EYS: variants seen among roughly 807,000 people sequenced by gnomAD.
EYS encodes EGF-like photoreceptor maintenance factor.
EYS carries 250 observed loss-of-function variants against 282.1 expected under a neutral mutation model. That is an observed-to-expected ratio of 0.89 (90% CI 0.80 to 0.98). EYS has a LOEUF of 0.98. EYS is among the 50% of genes least tolerant of loss of function. The pLI is 0.00. For synonymous variants in EYS, 1,355 were observed against 1,282.9 expected (o/e 1.06, Z -1.20); for missense variants, 4,016 against 3,709.0 (o/e 1.08, Z -2.15).
intron 12 of EYS, among the ~76,000 whole-genome samples, chr6:65,109,720 A>G (rs1218344844): frequency 6.6e-6 from 1 of 151,548 alleles, no homozygotes; most frequent in East Asian, 1.9e-4. Flanking sequence ...CACTGCTTGT[A>G]CTGTCCTTAG....
intron 29 of EYS, among the ~76,000 whole-genome samples, chr6:64,368,328 A>G (rs1442427067): frequency 2.0e-5 from 3 of 152,110 alleles, no homozygotes; most frequent in Non-Finnish European, 4.4e-5. Context: ...TTTTTAATCC[A>G]GTCTACCATT....
chr6:65,426,879 TAC>T (rs1767684455), intron 5 of EYS, among the ~76,000 whole-genome samples: 1 of 152,154 alleles, frequency 6.6e-6, no homozygotes, highest in African/African-American at 2.4e-5. Flanking sequence ...ATCTTTTGTT[TAC>T]ATACATGGAA....
intron 41 of EYS, among the ~76,000 whole-genome samples, chr6:63,746,444 T>C (rs1424912824): frequency 6.6e-6 from 1 of 152,222 alleles, no homozygotes; most frequent in Non-Finnish European, 1.5e-5. Flanking sequence ...CCTCATAAAA[T>C]GAGTTACAAA....
intron 13 of EYS, among the ~76,000 whole-genome samples, chr6:65,054,603 A>G (rs1773361131): frequency 6.6e-6 from 1 of 152,078 alleles, no homozygotes; most frequent in African/African-American, 2.4e-5. Context: ...GTATAAGAAT[A>G]TAAACTGAAT....
chr6:64,840,597 T>G (rs1014143372), intron 19 of EYS, among the ~76,000 whole-genome samples: 12 of 152,100 alleles, frequency 7.9e-5, no homozygotes, highest in African/African-American at 1.2e-4. Flanking sequence ...ATTCATTTGT[T>G]GTGGATAACA....
At chr6:63,840,053 T>TC (rs1015905726) in intron 36 of EYS, among the ~76,000 whole-genome samples, 2 of 149,496 alleles carry the variant, frequency 1.3e-5, no homozygotes, top group African/African-American at 2.4e-5. Context: ...CATTTCTTTT[T>TC]TTTTTTTTTT....
chr6:64,607,155 G>A (rs1280454038), intron 24 of EYS, among the ~76,000 whole-genome samples: 3 of 151,822 alleles, frequency 2.0e-5, no homozygotes, highest in Admixed American at 6.6e-5. Context: ...CATAAAAAAC[G>A]CAATAGATGC....
At chr6:64,757,449 A>T (rs2149975273) in intron 22 of EYS, among the ~76,000 whole-genome samples, 1 of 152,202 alleles carries the variant, frequency 6.6e-6, no homozygotes, top group South Asian at 2.1e-4. Flanking sequence ...TATTTCCAGC[A>T]TATTGAGGAG....
At chr6:64,886,254 G>T (rs906711034) in intron 19 of EYS, among the ~76,000 whole-genome samples, 2 of 151,784 alleles carry the variant, frequency 1.3e-5, no homozygotes, top group African/African-American at 4.8e-5. Flanking sequence ...TGAAATAATT[G>T]ATACTGACAG....
chr6:64,885,015 T>C (rs774527935), intron 19 of EYS, among the ~76,000 whole-genome samples: 1 of 151,700 alleles, frequency 6.6e-6, no homozygotes, highest in East Asian at 1.9e-4. Flanking sequence ...ATGACTTAAG[T>C]CATTGCAGTA....
At chr6:64,997,541 T>C in intron 14 of EYS, 41 bp downstream of exon 14, 1 of 1,536,346 alleles carries the variant, frequency 6.5e-7, no homozygotes, top group Non-Finnish European at 8.8e-7. Context: ...TAAATTATAT[T>C]AGTCCACATT....
At chr6:64,011,788 C>T (rs982009525) in intron 33 of EYS, among the ~76,000 whole-genome samples, 1 of 151,982 alleles carries the variant, frequency 6.6e-6, no homozygotes, top group Non-Finnish European at 1.5e-5. Context: ...CAGCATGAAG[C>T]CATGATGTAA....
At chr6:64,024,037 T>C (rs1769342933) in intron 33 of EYS, among the ~76,000 whole-genome samples, 2 of 152,184 alleles carry the variant, frequency 1.3e-5, no homozygotes, top group African/African-American at 4.8e-5. Context: ...TGGGCTCCTG[T>C]GCTGCCCGAG....
intron 13 of EYS, among the ~76,000 whole-genome samples, chr6:65,029,601 C>T (rs2150143028): frequency 6.6e-6 from 1 of 152,180 alleles, no homozygotes; most frequent in Non-Finnish European, 1.5e-5. Context: ...CCCAAGACAG[C>T]AAGACCAACC....
intron 35 of EYS, among the ~76,000 whole-genome samples, chr6:63,923,249 CA>C (rs1764622319): frequency 6.6e-6 from 1 of 151,948 alleles, no homozygotes; most frequent in East Asian, 1.9e-4. Flanking sequence ...AATTACAAGA[CA>C]AAAGGGACAA....
At chr6:64,507,183 A>G (rs1777238521) in intron 26 of EYS, among the ~76,000 whole-genome samples, 1 of 151,964 alleles carries the variant, frequency 6.6e-6, no homozygotes. Flanking sequence ...TAGAAATAAT[A>G]TAAATTTTTT....
At chr6:64,913,248 T>A (rs1768057158) in intron 15 of EYS, among the ~76,000 whole-genome samples, 1 of 152,112 alleles carries the variant, frequency 6.6e-6, no homozygotes, top group South Asian at 2.1e-4. Flanking sequence ...TTTTTAAAAA[T>A]ATATTTTCTT....
chr6:65,509,329 GT>G (rs1016550096), intron 2 of EYS, among the ~76,000 whole-genome samples: 1 of 152,056 alleles, frequency 6.6e-6, no homozygotes, highest in Non-Finnish European at 1.5e-5. Context: ...ATCATAAATG[GT>G]TTATATTACA....
At chr6:63,737,211 A>C (rs1279038425) in intron 41 of EYS, among the ~76,000 whole-genome samples, 1 of 152,070 alleles carries the variant, frequency 6.6e-6, no homozygotes, top group African/African-American at 2.4e-5. Flanking sequence ...TCAGGATGAT[A>C]TTGGCTGTGG....
Sources: gnomAD v4.1 joint callset for allele counts (sites outside exome capture counted in the v4.1 genomes callset) on GRCh38, gnomAD v4.1.1 for gene constraint, MANE v1.5 for transcripts, NCBI Gene and HGNC (gene_info 2026-07-23, HGNC 2026-07-21) for gene names.